TSNARE1: variants seen among roughly 807,000 people sequenced by gnomAD.
The protein encoded by TSNARE1 is t-SNARE domain containing 1.
Under a neutral mutation model 62.0 loss-of-function variants are expected in TSNARE1, and 49 were observed. The observed-to-expected ratio is 0.79, with a 90% CI of 0.63 to 1.00. TSNARE1 has a LOEUF of 1.00. Among genes scored for constraint, TSNARE1 ranks in the 50% least tolerant of loss-of-function variants. The pLI is 0.00. For synonymous variants in TSNARE1, 328 were observed against 294.4 expected, an observed-to-expected ratio of 1.11 and a Z score of -1.17; for missense variants, 755 against 700.1, an observed-to-expected ratio of 1.08 and a Z score of -0.88.
chr8:142,339,896 C>G (rs1832304024), intron 4 of TSNARE1, among the ~76,000 whole-genome samples: 1 of 152,272 alleles, frequency 6.6e-6, no homozygotes, highest in Non-Finnish European at 1.5e-5. Flanking sequence ...CCGGGGGTGT[C>G]TCCAACACAC....
chr8:142,240,901 C>T (rs1817642981), intron 12 of TSNARE1, among the ~76,000 whole-genome samples: 1 of 152,096 alleles, frequency 6.6e-6, no homozygotes, highest in African/African-American at 2.4e-5. Flanking sequence ...AGGCTGAAAA[C>T]TCGTGGGCCA....
chr8:142,392,554 G>A (rs574499770), intron 1 of TSNARE1, among the ~76,000 whole-genome samples: 53 of 152,170 alleles, frequency 3.5e-4, no homozygotes, highest in African/African-American at 1.0e-3. Flanking sequence ...GGAATTTTTC[G>A]GCGCCAGTAT....
chr8:142,262,330 T>G (rs575883777), intron 12 of TSNARE1, among the ~76,000 whole-genome samples: 1 of 151,820 alleles, frequency 6.6e-6, no homozygotes, highest in Non-Finnish European at 1.5e-5. Context: ...TGAACGTGTG[T>G]GTGTGTGTGT....
rs1030820291 is a variant in TSNARE1, at chr8:142,403,151, A to AGGCGGGCGG, written c.-96_-88dup. On this transcript the variant is annotated 5_prime_UTR_variant, in exon 1 of 14. Transcript: ENST00000524325. ...CCGCTCCGGGCGCTCACGGCGGGCG[A>AGGCGGGCGG]GGCGGGCGGGGCGGGCACCCAAACA... The AGGCGGGCGG allele has an allele frequency of 4.1e-5, 6 of 148,066 alleles. No homozygotes were observed. Among genetic ancestry groups the AGGCGGGCGG allele is most frequent in the South Asian group, 2.1e-4 (1 of 4,774 alleles). The allele number at this position is 148,066 out of a possible 1,614,324, so 9.2% of individuals were successfully genotyped here.
chr8:142,363,762 T>C (rs1171650914), intron 1 of TSNARE1, among the ~76,000 whole-genome samples: 4 of 152,096 alleles, frequency 2.6e-5, no homozygotes, highest in Non-Finnish European at 4.4e-5. Flanking sequence ...CACCCATGAA[T>C]GTGCCCTCAG....
At chr8:142,316,559 A>G (rs1326873514) in intron 7 of TSNARE1, among the ~76,000 whole-genome samples, 6 of 151,740 alleles carry the variant, frequency 4.0e-5, no homozygotes. Context: ...TGTAGAGTTC[A>G]GTAACTCTTA....
At chr8:142,372,449 G>T (rs1276671460) in intron 1 of TSNARE1, among the ~76,000 whole-genome samples, 2 of 152,210 alleles carry the variant, frequency 1.3e-5, no homozygotes, top group African/African-American at 4.8e-5. Flanking sequence ...GCCACAGGAT[G>T]GACCCCCTCT....
At chr8:142,337,600 A>G (rs1449822694) in intron 4 of TSNARE1, among the ~76,000 whole-genome samples, 1 of 152,192 alleles carries the variant, frequency 6.6e-6, no homozygotes, top group Non-Finnish European at 1.5e-5. Flanking sequence ...TCCTGTCACC[A>G]GGCAGGCTGT....
intron 2 of TSNARE1, among the ~76,000 whole-genome samples, chr8:142,353,886 C>T (rs562338368): frequency 7.2e-4 from 109 of 152,330 alleles, no homozygotes; most frequent in Admixed American, 2.4e-3. Flanking sequence ...AGGCTGAGCC[C>T]GAGGCCTGGC....
Position 142,297,917 on chromosome 8 carries a change from G to T in TSNARE1, c.1290+2569C>A, listed in dbSNP as rs76213062. ...CCCACCCCGCCGCCCTCCGTCCCGC[G>T]CCTGCTGTTGCTGGCATGAAGATCC... On this transcript the variant is annotated intron_variant, in intron 10 of 13. Transcript: ENST00000524325. 4.6e-5 allele frequency among the ~76,000 whole-genome samples: 7 copies of T among 152,232 alleles called. No individual in the cohort carries two copies. In the East Asian group the frequency reaches 9.7e-4, roughly 21 times the overall value.
intron 1 of TSNARE1, among the ~76,000 whole-genome samples, chr8:142,364,215 C>A (rs1056976333): frequency 6.6e-6 from 1 of 152,296 alleles, no homozygotes; most frequent in Non-Finnish European, 1.5e-5. Context: ...TCATGGCAGT[C>A]TCCCTGCTGG....
intron 6 of TSNARE1, among the ~76,000 whole-genome samples, chr8:142,322,691 T>C (rs954508760): frequency 6.6e-6 from 1 of 151,996 alleles, no homozygotes; most frequent in Non-Finnish European, 1.5e-5. Context: ...ACGATGACAT[T>C]GTTATGGAAG....
chr8:142,235,883 G>A (rs1256301423), intron 12 of TSNARE1, among the ~76,000 whole-genome samples: 1 of 152,196 alleles, frequency 6.6e-6, no homozygotes, highest in Non-Finnish European at 1.5e-5. Flanking sequence ...CAGGGTGGGG[G>A]ATGGACAAGT....
chr8:142,344,408 C>G lies in TSNARE1; in HGVS notation c.303G>C (p.Pro101=), dbSNP rs927790100. Residue 101 remains proline (P), a synonymous_variant, in exon 4 of 14, where the codon CCG becomes CCC. Coordinates refer to ENST00000524325, the MANE Select transcript of TSNARE1 (RefSeq NM_145003.5). The stretch of plus-strand genomic sequence containing the variant: ...GGGGCCCAGCAGCCGAGTCCTTCCT[C>G]GGGCCAATGGTGGGTGATGAGGTGG... The part of the protein sequence containing the change: ...PEPTSSPTIG[P]RKDSAAGPHG... 4 of 1,588,090 alleles carry G rather than the reference C, an allele frequency of 2.5e-6. No homozygotes were observed. In the Admixed American group the frequency reaches 5.4e-5, roughly 22 times the overall value.
intron 13 of TSNARE1, among the ~76,000 whole-genome samples, chr8:142,214,123 C>T (rs1452552166): frequency 1.3e-5 from 2 of 152,184 alleles, no homozygotes; most frequent in Non-Finnish European, 2.9e-5. Flanking sequence ...AGGGACTGGC[C>T]GACTCTGACA....
chr8:142,386,258 T>C (rs1406714331), intron 1 of TSNARE1, among the ~76,000 whole-genome samples: 2 of 152,100 alleles, frequency 1.3e-5, no homozygotes, highest in African/African-American at 2.4e-5. Flanking sequence ...TCTGGGGAAA[T>C]GGGAGAACAT....
chr8:142,307,879 C>T (rs77025949), intron 9 of TSNARE1, among the ~76,000 whole-genome samples: 117 of 152,340 alleles, frequency 7.7e-4, no homozygotes, highest in Non-Finnish European at 9.8e-4. Flanking sequence ...AGCCCACGCC[C>T]GGCTTTTGCA....
intron 1 of TSNARE1, among the ~76,000 whole-genome samples, chr8:142,379,692 A>G (rs938977136): frequency 6.6e-6 from 1 of 152,156 alleles, no homozygotes; most frequent in Non-Finnish European, 1.5e-5. Context: ...CGCAGCCCCC[A>G]GTGCTCCGCC....
At chr8:142,322,323 C>T (rs1829583422) in intron 6 of TSNARE1, among the ~76,000 whole-genome samples, 1 of 152,166 alleles carries the variant, frequency 6.6e-6, no homozygotes, top group Non-Finnish European at 1.5e-5. Flanking sequence ...ATCTAAGATA[C>T]TTAGAGCAGA....
Sources: gnomAD v4.1 joint callset for allele counts (sites outside exome capture counted in the v4.1 genomes callset) on GRCh38, gnomAD v4.1.1 for gene constraint, MANE v1.5 for transcripts, NCBI Gene and HGNC (gene_info 2026-07-23, HGNC 2026-07-21) for gene names.